The following RABGEF1 variants were observed in gnomAD, a reference collection of about 807,000 sequenced individuals.
RABGEF1 encodes the protein rab5 GDP/GTP exchange factor.
RABGEF1 carries 26 observed loss-of-function variants against 57.3 expected under a neutral mutation model. That is an observed-to-expected ratio of 0.45 (90% CI 0.33 to 0.63). RABGEF1 has a LOEUF of 0.63. RABGEF1 is among the 20% of genes least tolerant of loss of function. The pLI is 0.02. For synonymous variants in RABGEF1, 185 were observed against 210.7 expected (o/e 0.88, Z 1.06); for missense variants, 464 against 607.6 (o/e 0.76, Z 2.48).
intron 1 of RABGEF1, among the ~76,000 whole-genome samples, chr7:66,689,558 T>C (rs1791207352): frequency 6.6e-6 from 1 of 151,996 alleles, no homozygotes; most frequent in Non-Finnish European, 1.5e-5. Context: ...ATCCCAGCAC[T>C]TTGGGAGGCC....
chr7:66,755,434 C>G (rs1015459830), intron 1 of RABGEF1, among the ~76,000 whole-genome samples: 3 of 152,070 alleles, frequency 2.0e-5, no homozygotes, highest in African/African-American at 7.2e-5. Context: ...TGTGATCATG[C>G]CACTGCACTC....
chr7:66,804,086 AT>A (rs776154567), intron 7 of RABGEF1, among the ~76,000 whole-genome samples: 1,913 of 136,746 alleles, frequency 0.014, 20 homozygotes, highest in African/African-American at 0.03. Flanking sequence ...CAGTAGCTGG[AT>A]TTTTTTTTTT....
At chr7:66,807,827 C>T (rs1191828796) in intron 8 of RABGEF1, 1 of 152,068 alleles carries the variant, frequency 6.6e-6, no homozygotes, top group Non-Finnish European at 1.5e-5. Flanking sequence ...TTCTTTATTC[C>T]TTTTTTCTAG....
intron 1 of RABGEF1, among the ~76,000 whole-genome samples, chr7:66,689,802 C>CA (rs200381594): frequency 0.053 from 5,733 of 107,248 alleles, 151 homozygotes; most frequent in East Asian, 0.11. Flanking sequence ...GACTTCGTCT[C>CA]AAAAAAAAAA....
intron 1 of RABGEF1, among the ~76,000 whole-genome samples, chr7:66,691,194 C>T (rs1791466391): frequency 6.6e-6 from 1 of 152,216 alleles, no homozygotes; most frequent in Admixed American, 6.5e-5. Flanking sequence ...AGCAACCACA[C>T]TGACAGACAG....
At position 66,768,456 on chromosome 7, in the gene RABGEF1, T is replaced by G. The variant is rs564257946; in HGVS notation, c.-17-3427T>G. ...GGGTATGTAAGTTCTTTGCCAAATA[T>G]GTGATTTGCTGCAAGTAGTTTCTCC... On this transcript the variant is annotated intron_variant, in intron 1 of 8. Coordinates refer to ENST00000284957, the MANE Select transcript of RABGEF1 (RefSeq NM_014504.3). 4.6e-5 allele frequency among the ~76,000 whole-genome samples: 7 copies of G among 152,364 alleles called. No homozygotes were observed. In the East Asian group the frequency reaches 9.6e-4, roughly 21 times the overall value.
At chr7:66,766,342 T>C (rs1012384446) in intron 1 of RABGEF1, among the ~76,000 whole-genome samples, 75 of 152,188 alleles carry the variant, frequency 4.9e-4, no homozygotes, top group African/African-American at 1.8e-3. Context: ...CTTAGTGATG[T>C]CTCTGCCACT....
rs1200146380 is a variant in RABGEF1, at chr7:66,761,467, G to A, written c.-17-10416G>A. ...TATTGCAAAGGATCCAGGTAAAGGA[G>A]ATGCTGGGGGCGAGGAATGGGGGAA... On this transcript the variant is annotated intron_variant, in intron 1 of 8. Transcript: ENST00000284957. 3.9e-5 allele frequency among the ~76,000 whole-genome samples: 6 copies of A among 152,348 alleles called. No homozygotes were observed. In the South Asian group the frequency reaches 1.0e-3, roughly 26 times the overall value.
chr7:66,809,766 T>G lies in RABGEF1; in HGVS notation c.*482T>G, dbSNP rs978544086. On this transcript the variant is annotated 3_prime_UTR_variant, in exon 9 of 9. Coordinates refer to ENST00000284957, the MANE Select transcript of RABGEF1 (RefSeq NM_014504.3). Reference sequence around the variant, plus strand: ...AAAAAAGAATGGTGTCTGCTGTGCATGGCATTTTATATGTTAATTTTTTAG... The same window carrying G: ...AAAAAAGAATGGTGTCTGCTGTGCAGGGCATTTTATATGTTAATTTTTTAG... The G allele has an allele frequency of 6.5e-6, 1 of 152,850 alleles. No individual in the cohort carries two copies. Among genetic ancestry groups the G allele is most frequent in the Non-Finnish European group, 1.5e-5 (1 of 68,182 alleles). The allele number at this position is 152,850 out of a possible 1,614,324, so 9.5% of individuals were successfully genotyped here.
chr7:66,761,377 T>G (rs1170091430), intron 1 of RABGEF1, among the ~76,000 whole-genome samples: 3 of 152,146 alleles, frequency 2.0e-5, no homozygotes, highest in South Asian at 2.1e-4. Flanking sequence ...TAGGTTCAAT[T>G]AATTTGCTGA....
Position 66,746,249 on chromosome 7 carries a change from T to C in RABGEF1, c.-18+5457T>C, listed in dbSNP as rs1190729267. On this transcript the variant is annotated intron_variant, in intron 1 of 8. Coordinates refer to ENST00000284957, the MANE Select transcript of RABGEF1 (RefSeq NM_014504.3). ...GTTTTGAAGTTTCCTGTGAAATTCC[T>C]GTTTTCAATGAAGTTACTGTCAGTG... Among the ~76,000 whole-genome samples, 5 of 152,328 alleles carry C rather than the reference T, an allele frequency of 3.3e-5. No homozygotes were observed. The East Asian group carries it at 5.8e-4, about 18-fold the overall frequency.
intron 1 of RABGEF1, chr7:66,748,770 A>G (rs1800791506): frequency 1.3e-5 from 2 of 156,210 alleles, no homozygotes; most frequent in African/African-American, 2.4e-5. Context: ...TATCAATTGT[A>G]TTTTTGTGCT....
chr7:66,766,201 T>A (rs1220996862), intron 1 of RABGEF1, among the ~76,000 whole-genome samples: 1 of 151,458 alleles, frequency 6.6e-6, no homozygotes, highest in Non-Finnish European at 1.5e-5. Flanking sequence ...TAGCCAGGCA[T>A]GGTGGCTGAG....
chr7:66,672,393 C>G, the RABGEF1 span, among the ~76,000 whole-genome samples: 4 of 152,146 alleles, frequency 2.6e-5, no homozygotes, highest in African/African-American at 4.8e-5. Context: ...GATCGTGCCA[C>G]TGCACTCCAG....
chr7:66,802,950 A>G (rs543455731), intron 7 of RABGEF1, among the ~76,000 whole-genome samples: 5 of 151,694 alleles, frequency 3.3e-5, no homozygotes, highest in South Asian at 2.1e-4. Context: ...TAAAAGAGAG[A>G]AAAAAAAATC....
chr7:66,680,858 G>A (rs1789664282), upstream of RABGEF1, among the ~76,000 whole-genome samples: 2 of 151,974 alleles, frequency 1.3e-5, no homozygotes, highest in Admixed American at 1.3e-4. Flanking sequence ...AAGGCGGGCG[G>A]ATCACTTGAG....
chr7:66,677,515 C>T (rs1044916153), upstream of RABGEF1, among the ~76,000 whole-genome samples: 3 of 152,076 alleles, frequency 2.0e-5, no homozygotes, highest in African/African-American at 7.2e-5. Context: ...GTAATCCCAG[C>T]ACTTTGGGAG....
At chr7:66,738,138 G>C (rs570424167), upstream of RABGEF1, among the ~76,000 whole-genome samples, 2 of 150,876 alleles carry the variant, frequency 1.3e-5, no homozygotes, top group Admixed American at 1.3e-4. Flanking sequence ...CTATCACCTC[G>C]GCCTCCAGAG....
chr7:66,762,368 A>G (rs1804637849), intron 1 of RABGEF1, among the ~76,000 whole-genome samples: 1 of 152,024 alleles, frequency 6.6e-6, no homozygotes, highest in Non-Finnish European at 1.5e-5. Flanking sequence ...AGGTGGGTGG[A>G]TCACTTGAGG....
Sources: gnomAD v4.1 joint callset for allele counts (sites outside exome capture counted in the v4.1 genomes callset) on GRCh38, gnomAD v4.1.1 for gene constraint, MANE v1.5 for transcripts, NCBI Gene and HGNC (gene_info 2026-07-23, HGNC 2026-07-21) for gene names.